The following DDX50 variants were observed in gnomAD, a reference collection of about 807,000 sequenced individuals.
DDX50 encodes the protein DExD-box helicase 50.
In DDX50, 56 loss-of-function variants were observed where a neutral mutation model predicts 94.8. The ratio of observed to expected loss-of-function variants is 0.59; its 90% CI spans 0.48 to 0.74. The LOEUF (loss-of-function observed/expected upper bound fraction) is 0.74. Among genes scored for constraint, DDX50 ranks in the 30% least tolerant of loss-of-function variants. The probability of loss-of-function intolerance (pLI) is 0.00; values close to 1 mark genes in which losing one functional copy is unlikely to be tolerated. For missense variants in DDX50, 713 were observed against 881.2 expected (o/e 0.81, Z 2.42); for synonymous variants, 264 against 295.4 (o/e 0.89, Z 1.09).
At chr10:68,913,662 A>C (rs538287908) in intron 6 of DDX50, 86 bp downstream of exon 6, 2 of 1,333,906 alleles carry the variant, frequency 1.5e-6, no homozygotes, top group Non-Finnish European at 2.0e-6. Context: ...TTTTTATTGC[A>C]GTGTCCCCTG....
intron 2 of DDX50, among the ~76,000 whole-genome samples, chr10:68,908,349 G>T (rs1159413570): frequency 6.6e-6 from 1 of 151,194 alleles, no homozygotes; most frequent in Non-Finnish European, 1.5e-5. Flanking sequence ...TACTTGGGAG[G>T]CTGAGGCAGG....
chr10:68,928,500 A>G (rs543532584), intron 8 of DDX50, among the ~76,000 whole-genome samples: 3 of 152,272 alleles, frequency 2.0e-5, no homozygotes, highest in East Asian at 1.9e-4. Flanking sequence ...GTGAGACTTC[A>G]TCTCTATATT....
chr10:68,931,945 C>T (rs1842285265), intron 8 of DDX50, among the ~76,000 whole-genome samples: 1 of 152,156 alleles, frequency 6.6e-6, no homozygotes, highest in African/African-American at 2.4e-5. Context: ...ACTCCCTAGC[C>T]TTCTGCTCCT....
intron 8 of DDX50, 89 bp downstream of exon 8, chr10:68,920,070 G>C (rs1841901025): frequency 1.3e-6 from 2 of 1,513,780 alleles, no homozygotes; most frequent in Admixed American, 1.8e-5. Context: ...GACCAGATTT[G>C]ATAGTCATTC....
At chr10:68,914,356 G>A (rs2132030197) in intron 7 of DDX50, 152 bp downstream of exon 7, 2 of 810,622 alleles carry the variant, frequency 2.5e-6, no homozygotes, top group East Asian at 3.0e-5. Flanking sequence ...TATAGTCTGA[G>A]ACTGAGTAGC....
chr10:68,938,679 C>T (rs1842482608), intron 12 of DDX50, among the ~76,000 whole-genome samples: 1 of 152,120 alleles, frequency 6.6e-6, no homozygotes, highest in African/African-American at 2.4e-5. Context: ...ATGGTTTCTA[C>T]CTGGTAGGTG....
At chr10:68,930,165 T>C (rs1483730025) in intron 8 of DDX50, among the ~76,000 whole-genome samples, 1 of 141,846 alleles carries the variant, frequency 7.0e-6, no homozygotes, top group Non-Finnish European at 1.5e-5. Flanking sequence ...TCGCCCAAGC[T>C]GGAGTACGAT....
chr10:68,925,101 T>TG (rs1387155912), intron 8 of DDX50, among the ~76,000 whole-genome samples: 1 of 124,890 alleles, frequency 8.0e-6, no homozygotes, highest in Non-Finnish European at 1.5e-5. Flanking sequence ...CATGGTTTTT[T>TG]TTTTTTTTTT....
intron 1 of DDX50, among the ~76,000 whole-genome samples, chr10:68,902,988 A>G (rs750245954): frequency 2.0e-5 from 3 of 152,188 alleles, no homozygotes; most frequent in Non-Finnish European, 4.4e-5. Context: ...TGTTGTTTTA[A>G]ATTGGTGGCT....
rs1208207193 is a variant in DDX50 at position 68,915,412 on chromosome 10, C to CA, written c.1089+1217dup. 6.0e-3 allele frequency among the ~76,000 whole-genome samples: 782 copies of CA among 129,628 alleles called. 10 individuals are homozygous for CA. The highest frequency in any genetic ancestry group is 0.021 in the African/African-American group (731 of 34,186). The allele number at this position is 129,628 out of a possible 152,430, so 85.0% of individuals were successfully genotyped here. A position where few individuals can be genotyped will look rare whatever the true frequency, so the allele number is the denominator to read the frequency against. ...TGGGTGACAGAGCGAGACTCTGTCT[C>CA]AAAAAAAAATAAAAGAAAAAAAAGG... On this transcript the variant is annotated intron_variant, in intron 7 of 14. Coordinates refer to ENST00000373585, the MANE Select transcript of DDX50 (RefSeq NM_024045.2).
At position 68,908,760 on chromosome 10, in the gene DDX50, G is replaced by A. The variant is rs1841542598; in HGVS notation, c.385-1547G>A. 2.7e-5 allele frequency among the ~76,000 whole-genome samples: 4 copies of A among 149,358 alleles called. No homozygotes were observed. In the South Asian group the frequency reaches 8.5e-4, roughly 32 times the overall value. ...GGGCTCAGGTGATCCTCCCACCTCA[G>A]CCTCCTGAGTAGCTGGGACTATAGG... On this transcript the variant is annotated intron_variant, in intron 2 of 14. Coordinates refer to ENST00000373585, the MANE Select transcript of DDX50 (RefSeq NM_024045.2).
chr10:68,913,857 T>G (rs563002493), intron 6 of DDX50, among the ~76,000 whole-genome samples: 3 of 152,342 alleles, frequency 2.0e-5, no homozygotes, highest in Admixed American at 6.5e-5. Flanking sequence ...ATTCTCACTT[T>G]CCTTTTGGGT....
chr10:68,932,941 T>C (rs773917668), intron 8 of DDX50, among the ~76,000 whole-genome samples: 10 of 152,194 alleles, frequency 6.6e-5, no homozygotes, highest in African/African-American at 9.7e-5. Context: ...AAATGCTACA[T>C]GTTCATAATT....
chr10:68,904,038 G>A (rs912223307), intron 1 of DDX50, among the ~76,000 whole-genome samples: 12 of 151,942 alleles, frequency 7.9e-5, no homozygotes, highest in African/African-American at 2.7e-4. Context: ...CAGCTACTCG[G>A]GATGCTAAGG....
chr10:68,907,252 A>T (rs1264129924), intron 2 of DDX50, among the ~76,000 whole-genome samples: 1 of 147,952 alleles, frequency 6.8e-6, no homozygotes, highest in Non-Finnish European at 1.5e-5. Flanking sequence ...TTTTCTGTAC[A>T]TTTGGGTTCC....
intron 8 of DDX50, among the ~76,000 whole-genome samples, chr10:68,930,659 T>C (rs191708848): frequency 6.6e-6 from 1 of 152,112 alleles, no homozygotes; most frequent in Non-Finnish European, 1.5e-5. Flanking sequence ...ATGGTTTTGT[T>C]TTTTTTGGGG....
At position 68,902,611 on chromosome 10, in the gene DDX50, A is replaced by G. The variant is rs1235083322; in HGVS notation, c.87+1140A>G. Among the ~76,000 whole-genome samples, 4 of 152,072 alleles carry G rather than the reference A, an allele frequency of 2.6e-5. No homozygotes were observed. The South Asian group carries it at 6.2e-4, about 24-fold the overall frequency. The stretch of plus-strand genomic sequence containing the variant: ...GACTGAAACTCTGTGCCCATTAAAC[A>G]CTCACTTCTCATTCCTCTCTCCTTC... On this transcript the variant is annotated intron_variant, in intron 1 of 14. Coordinates refer to ENST00000373585, the MANE Select transcript of DDX50 (RefSeq NM_024045.2).
Position 68,941,096 on chromosome 10 carries a change from AT to A in DDX50, c.1793del (p.Ile598AsnfsTer15). 1 of 1,612,348 alleles carries A rather than the reference AT, an allele frequency of 6.2e-7. No homozygotes were observed. Among genetic ancestry groups the A allele is most frequent in the Non-Finnish European group, 8.5e-7 (1 of 1,179,912 alleles). On this transcript the variant is annotated frameshift_variant, in exon 13 of 15. Coordinates refer to ENST00000373585, the MANE Select transcript of DDX50 (RefSeq NM_024045.2). LOFTEE classifies it high-confidence loss of function. ...VTMTLESLEE[I>X]QDVSCAWKEL... ...CATGACTCTGGAAAGCCTAGAGGAA[AT>A]ACAGGATGTCAGCTGTGCTTGGAAA...
At chr10:68,938,450 G>A (rs543665806) in intron 12 of DDX50, among the ~76,000 whole-genome samples, 2 of 152,300 alleles carry the variant, frequency 1.3e-5, no homozygotes, top group Admixed American at 1.3e-4. Flanking sequence ...TTAAATAAGA[G>A]TTCTGTTATG....
Sources: allele counts gnomAD v4.1 joint callset (sites outside exome capture counted in the v4.1 genomes callset), GRCh38; gene constraint gnomAD v4.1.1; transcripts MANE v1.5; gene names NCBI Gene and HGNC (gene_info 2026-07-23, HGNC 2026-07-21).